Variants in SEC22C observed in about 807,000 individuals in gnomAD.
SEC22C encodes the protein vesicle-trafficking protein SEC22c.
Under a neutral mutation model 34.7 loss-of-function variants are expected in SEC22C, and 29 were observed. That is an observed-to-expected ratio of 0.84 (90% CI 0.62 to 1.14). The LOEUF (loss-of-function observed/expected upper bound fraction) is 1.14, where lower values mean the gene tolerates loss of function less well. Among genes scored for constraint, SEC22C ranks in the 50% most tolerant of loss-of-function variants. SEC22C has a pLI of 0.00. For synonymous variants in SEC22C, 117 were observed against 132.8 expected, an observed-to-expected ratio of 0.88 and a Z score of 0.82; for missense variants, 337 against 369.0, an observed-to-expected ratio of 0.91 and a Z score of 0.71.
intron 6 of SEC22C, among the ~76,000 whole-genome samples, chr3:42,554,801 G>A (rs998274933): frequency 1.4e-4 from 22 of 152,154 alleles, no homozygotes; most frequent in African/African-American, 5.1e-4. Flanking sequence ...GAGAATTAGA[G>A]CCACGCTTTC....
Position 42,550,293 on chromosome 3 carries a change from G to A in SEC22C, c.*2955C>T. The A allele has an allele frequency of 1.0e-6, 1 of 985,408 alleles. No homozygotes were observed. Among genetic ancestry groups the A allele is most frequent in the Non-Finnish European group, 1.2e-6 (1 of 829,928 alleles). The allele number at this position is 985,408 out of a possible 1,614,324, so 61.0% of individuals were successfully genotyped here. A position where few individuals can be genotyped will look rare whatever the true frequency, so the allele number is the denominator to read the frequency against. Reference sequence around the variant, plus strand: ...CTAGTCCAGTGATGTCAGCTGCACAGGTAGCATTTAACTACTGGGAAAACA... The same window carrying A: ...CTAGTCCAGTGATGTCAGCTGCACAAGTAGCATTTAACTACTGGGAAAACA... On this transcript the variant is annotated 3_prime_UTR_variant, in exon 7 of 7. Transcript: ENST00000264454.
In SEC22C at chr3:42,558,745, T is replaced by C. The variant is rs59497148; in HGVS notation, c.527-1049A>G. ...AGGTGGAGGTTGCAGTAAGCCAAGATTGCACCATGGTACTTCAGCCTGGGC... is the reference window on the plus strand; with the variant it reads ...AGGTGGAGGTTGCAGTAAGCCAAGACTGCACCATGGTACTTCAGCCTGGGC... On this transcript the variant is annotated intron_variant, in intron 4 of 6. Transcript: ENST00000264454. Among the ~76,000 whole-genome samples the C allele has an allele frequency of 9.7e-4, 148 of 152,154 alleles. 1 individual carries two copies. Among genetic ancestry groups the C allele is most frequent in the African/African-American group, 3.4e-3 (143 of 41,510 alleles).
Position 42,549,227 on chromosome 3 carries a change from G to C in SEC22C, c.*4021C>G. 3.0e-6 allele frequency: 3 copies of C among 986,568 alleles called. No homozygotes were observed. The highest frequency in any genetic ancestry group is 3.6e-6 in the Non-Finnish European group (3 of 830,664). 61.1% of individuals were successfully genotyped at this position (986,568 alleles called of 1,614,324 possible). ...TTGGAATGTGAGCAATGTCTGAACA[G>C]GGGCTTGCCAGGCACATCTGATCAC... is the stretch of plus-strand genomic sequence containing the variant. On this transcript the variant is annotated 3_prime_UTR_variant, in exon 7 of 7. Transcript: ENST00000264454.
At chr3:42,561,894 G>T (rs1702939344) in intron 3 of SEC22C, among the ~76,000 whole-genome samples, 1 of 151,950 alleles carries the variant, frequency 6.6e-6, no homozygotes, top group South Asian at 2.1e-4. Flanking sequence ...ATGCGTCTTA[G>T]CCCCTTACCA....
chr3:42,594,587 G>T, intron 1 of SEC22C: 1 of 1,269,010 alleles, frequency 7.9e-7, no homozygotes. Flanking sequence ...CTTACAAAAT[G>T]GAGACAGGGT....
rs1240703664 is a variant in SEC22C at position 42,596,040 on chromosome 3, T to G, written c.-28+4920A>C. ...TTGTTTTGTTTTGTTTTTGTTTTTG[T>G]TTTTTTTTGAGACGGAATCTCGCTC... On this transcript the variant is annotated intron_variant, in intron 1 of 6. Transcript: ENST00000417572. Among the ~76,000 whole-genome samples, 3 of 146,392 alleles carry G rather than the reference T, an allele frequency of 2.0e-5. No homozygotes were observed. In the East Asian group the frequency reaches 5.9e-4, roughly 29 times the overall value.
intron 2 of SEC22C, among the ~76,000 whole-genome samples, chr3:42,568,204 T>C (rs1330344731): frequency 6.6e-6 from 1 of 152,030 alleles, no homozygotes; most frequent in Non-Finnish European, 1.5e-5. Flanking sequence ...CTCTCATTAT[T>C]TTCCCTCCCC....
Position 42,550,171 on chromosome 3 carries a change from G to A in SEC22C, c.*3077C>T. ...ACTCTGGCCTTGATACAGTAGATGG[G>A]ACTTAACACACTCTGATGCTCAAGG... On this transcript the variant is annotated 3_prime_UTR_variant, in exon 7 of 7. Transcript: ENST00000264454. The A allele has an allele frequency of 1.0e-6, 1 of 985,448 alleles. No homozygotes were observed. The highest frequency in any genetic ancestry group is 1.2e-6 in the Non-Finnish European group (1 of 829,926). 61.0% of individuals were successfully genotyped at this position (985,448 alleles called of 1,614,324 possible).
chr3:42,560,459 A>G (rs1234343012), intron 4 of SEC22C, among the ~76,000 whole-genome samples: 1 of 150,890 alleles, frequency 6.6e-6, no homozygotes, highest in East Asian at 1.9e-4. Flanking sequence ...TGATGGCTTG[A>G]GCCCAGGAGT....
chr3:42,550,174 T>C lies in SEC22C; in HGVS notation c.*3074A>G. Reference sequence around the variant, plus strand: ...CTGGCCTTGATACAGTAGATGGGACTTAACACACTCTGATGCTCAAGGCCT... The same window carrying C: ...CTGGCCTTGATACAGTAGATGGGACCTAACACACTCTGATGCTCAAGGCCT... On this transcript the variant is annotated 3_prime_UTR_variant, in exon 7 of 7. Coordinates refer to ENST00000264454, the MANE Select transcript of SEC22C (RefSeq NM_032970.4). The C allele has an allele frequency of 1.0e-6, 1 of 985,476 alleles. No homozygotes were observed. The allele number at this position is 985,476 out of a possible 1,614,324, so 61.0% of individuals were successfully genotyped here.
At chr3:42,557,809 T>C (rs1300073992) in intron 4 of SEC22C, 113 bp from the exon 5 acceptor site, 6 of 537,918 alleles carry the variant, frequency 1.1e-5, no homozygotes, top group Admixed American at 3.2e-5. Context: ...ATGTTAAACA[T>C]AGAATTACAA....
intron 1 of SEC22C, among the ~76,000 whole-genome samples, chr3:42,588,109 C>T (rs1283728769): frequency 6.6e-6 from 1 of 150,998 alleles, no homozygotes; most frequent in Non-Finnish European, 1.5e-5. Flanking sequence ...ACAACAACAA[C>T]AACAAAAACC....
At chr3:42,559,348 C>G in intron 4 of SEC22C, among the ~76,000 whole-genome samples, 1 of 152,176 alleles carries the variant, frequency 6.6e-6, no homozygotes, top group East Asian at 1.9e-4. Flanking sequence ...CCTAGAAAGA[C>G]GGGCAAGGTG....
intron 1 of SEC22C, among the ~76,000 whole-genome samples, chr3:42,592,846 T>C (rs1267273349): frequency 6.6e-6 from 1 of 152,178 alleles, no homozygotes; most frequent in East Asian, 1.9e-4. Context: ...GTCTGATTTA[T>C]TTTTTTGGGT....
chr3:42,573,572 A>T (rs893183190), intron 1 of SEC22C: 1 of 152,286 alleles, frequency 6.6e-6, no homozygotes, highest in Non-Finnish European at 1.5e-5. Flanking sequence ...AGTGGCTTAC[A>T]TCTATAATCC....
At chr3:42,574,558 A>C (rs1261619925) in intron 1 of SEC22C, among the ~76,000 whole-genome samples, 1 of 152,172 alleles carries the variant, frequency 6.6e-6, no homozygotes, top group Non-Finnish European at 1.5e-5. Flanking sequence ...TTCTCTCATG[A>C]GTTTTCTAAA....
Position 42,548,877 on chromosome 3 carries a change from T to TGGTA in SEC22C, c.*4370_*4371insTACC, listed in dbSNP as rs1702113473. On this transcript the variant is annotated 3_prime_UTR_variant, in exon 7 of 7. Transcript: ENST00000264454. ...TCATGTACCAGGTGAATGTAAAGCC[T>TGGTA]TTCTCCTCCCACACACAATGGACTC... is the stretch of plus-strand genomic sequence containing the variant. 7.3e-7 allele frequency: 1 copy of TGGTA among 1,376,912 alleles called. No individual in the cohort carries two copies. Among genetic ancestry groups the TGGTA allele is most frequent in the Admixed American group, 2.9e-5 (1 of 33,984 alleles). The allele number at this position is 1,376,912 out of a possible 1,614,324, so 85.3% of individuals were successfully genotyped here. A position where few individuals can be genotyped will look rare whatever the true frequency, so the allele number is the denominator to read the frequency against.
chr3:42,594,465 A>G (rs772168494), intron 1 of SEC22C: 2 of 1,614,064 alleles, frequency 1.2e-6, no homozygotes, highest in South Asian at 1.1e-5. Context: ...TTTGGCTACC[A>G]TTGCAGATGC....
Position 42,552,103 on chromosome 3 carries a change from T to C in SEC22C, c.*1145A>G, listed in dbSNP as rs907232208. Reference sequence around the variant, plus strand: ...TATCCAGAACCATATTTTGGAAAACTGTGATCAATCAATTTTTTGACAGTG... The same window carrying C: ...TATCCAGAACCATATTTTGGAAAACCGTGATCAATCAATTTTTTGACAGTG... On this transcript the variant is annotated 3_prime_UTR_variant, in exon 7 of 7. Coordinates refer to ENST00000264454, the MANE Select transcript of SEC22C (RefSeq NM_032970.4). 68 of 985,328 alleles carry C rather than the reference T, an allele frequency of 6.9e-5. No individual in the cohort carries two copies. The highest frequency in any genetic ancestry group is 5.2e-4 in the Middle Eastern group (1 of 1,936). 61.0% of individuals were successfully genotyped at this position (985,328 alleles called of 1,614,324 possible).
Sources: allele counts gnomAD v4.1 joint callset (sites outside exome capture counted in the v4.1 genomes callset), GRCh38; gene constraint gnomAD v4.1.1; transcripts MANE v1.5; gene names NCBI Gene and HGNC (gene_info 2026-07-23, HGNC 2026-07-21).